DLG2: variants seen among roughly 807,000 people sequenced by gnomAD.
DLG2 encodes the protein disks large homolog 2.
Under a neutral mutation model 132.5 loss-of-function variants are expected in DLG2, and 45 were observed. The ratio of observed to expected loss-of-function variants is 0.34; its 90% confidence interval spans 0.27 to 0.44. The LOEUF (loss-of-function observed/expected upper bound fraction) is 0.44, where lower values mean the gene tolerates loss of function less well. DLG2 is among the 20% of genes least tolerant of loss of function. DLG2 has a pLI of 1.00. For synonymous variants in DLG2, 424 were observed against 419.6 expected (o/e 1.01, Z -0.13); for missense variants, 1,045 against 1,196.9 (o/e 0.87, Z 1.87).
chr11:85,579,824 T>C (rs888702445), intron 3 of DLG2, among the ~76,000 whole-genome samples: 2 of 152,118 alleles, frequency 1.3e-5, no homozygotes, highest in African/African-American at 4.8e-5. Context: ...AGTGCTGGGA[T>C]TACAGGCGTG....
At chr11:84,698,710 T>C (rs117360072) in intron 6 of DLG2, among the ~76,000 whole-genome samples, 2,641 of 151,680 alleles carry the variant, frequency 0.017, 33 homozygotes, top group Middle Eastern at 0.037. Context: ...TAATGACATA[T>C]ATAAGAATCC....
chr11:85,285,212 T>C lies in DLG2; in HGVS notation c.186+8A>G. ...TATTCAGTTCTTTTGGAAGTTTCAG[T>C]AGTATACCTCTGAAGATTTTTGAAG... On this transcript the variant is annotated splice_region_variant and intron_variant, in intron 4 of 27. Transcript: ENST00000376104. 2 of 1,609,226 alleles carry C rather than the reference T, an allele frequency of 1.2e-6. No homozygotes were observed. Among genetic ancestry groups the C allele is most frequent in the Non-Finnish European group, 1.7e-6 (2 of 1,177,108 alleles).
intron 14 of DLG2, among the ~76,000 whole-genome samples, chr11:83,960,541 GA>G (rs1337308756): frequency 2.6e-5 from 4 of 151,728 alleles, no homozygotes; most frequent in Admixed American, 6.6e-5. Flanking sequence ...TCAAGATTTT[GA>G]AAAAAATTAA....
At chr11:85,193,724 T>G (rs905397597) in intron 4 of DLG2, among the ~76,000 whole-genome samples, 10 of 152,224 alleles carry the variant, frequency 6.6e-5, no homozygotes, top group African/African-American at 1.9e-4. Context: ...TAAAATTGGA[T>G]TGTATTTTTA....
chr11:84,237,924 C>G (rs1017321773), intron 8 of DLG2, among the ~76,000 whole-genome samples: 24 of 151,424 alleles, frequency 1.6e-4, no homozygotes, highest in African/African-American at 5.1e-4. Context: ...CACCTGTAAT[C>G]CCAGCTACTC....
At chr11:84,074,028 A>C (rs1480996330) in intron 10 of DLG2, among the ~76,000 whole-genome samples, 1 of 152,260 alleles carries the variant, frequency 6.6e-6, no homozygotes, top group Non-Finnish European at 1.5e-5. Flanking sequence ...ATCAAATCTC[A>C]TGTTGTTATA....
chr11:85,019,024 G>T (rs540207204), intron 6 of DLG2, among the ~76,000 whole-genome samples: 1 of 152,072 alleles, frequency 6.6e-6, no homozygotes, highest in South Asian at 2.1e-4. Flanking sequence ...CTAATGTAGG[G>T]GTGTAACACA....
chr11:84,747,083 T>A (rs1165921325), intron 6 of DLG2, among the ~76,000 whole-genome samples: 4 of 152,100 alleles, frequency 2.6e-5, no homozygotes, highest in African/African-American at 4.8e-5. Context: ...GGAGTTTGAG[T>A]AGGCAATGTT....
At chr11:84,662,890 A>G (rs889126559) in intron 6 of DLG2, among the ~76,000 whole-genome samples, 2 of 151,688 alleles carry the variant, frequency 1.3e-5, no homozygotes, top group African/African-American at 2.4e-5. Flanking sequence ...AGGTGGAGCT[A>G]TAAGTCTAGT....
chr11:84,059,191 T>C, intron 11 of DLG2, 124 bp downstream of exon 11: 1 of 915,558 alleles, frequency 1.1e-6, no homozygotes, highest in South Asian at 1.7e-5. Flanking sequence ...TACTGTAGGA[T>C]TTTAAATCTC....
intron 19 of DLG2, among the ~76,000 whole-genome samples, chr11:83,595,584 C>T (rs1435520964): frequency 6.6e-6 from 1 of 152,186 alleles, no homozygotes; most frequent in Non-Finnish European, 1.5e-5. Context: ...TAGGACTTCT[C>T]CACAACCAAA....
intron 3 of DLG2, among the ~76,000 whole-genome samples, chr11:85,439,197 G>T (rs780986888): frequency 9.2e-5 from 14 of 152,040 alleles, no homozygotes; most frequent in Non-Finnish European, 1.3e-4. Context: ...CGTTTTATAA[G>T]AAAGTATTCA....
At chr11:85,374,717 C>T (rs1016464912) in intron 3 of DLG2, among the ~76,000 whole-genome samples, 11 of 152,180 alleles carry the variant, frequency 7.2e-5, no homozygotes, top group African/African-American at 2.2e-4. Flanking sequence ...CTAGAAACCA[C>T]TCAAGTACCT....
intron 7 of DLG2, among the ~76,000 whole-genome samples, chr11:84,455,383 A>G (rs554427394): frequency 6.6e-5 from 10 of 151,518 alleles, no homozygotes; most frequent in African/African-American, 2.4e-4. Flanking sequence ...TGGTGTAGAA[A>G]AAGACTTAAG....
chr11:85,184,983 T>C (rs1293811167), intron 4 of DLG2, among the ~76,000 whole-genome samples: 1 of 151,948 alleles, frequency 6.6e-6, no homozygotes, highest in Non-Finnish European at 1.5e-5. Context: ...AAGAGAATAT[T>C]CTAAGCAACT....
intron 6 of DLG2, chr11:84,923,366 G>A (rs1402367876): frequency 1.5e-5 from 17 of 1,124,886 alleles, no homozygotes; most frequent in Non-Finnish European, 1.7e-5. Context: ...AGAATTCAGC[G>A]TCTGAAAGTT....
intron 6 of DLG2, among the ~76,000 whole-genome samples, chr11:84,707,416 A>C (rs1479680392): frequency 6.6e-6 from 1 of 151,864 alleles, no homozygotes; most frequent in East Asian, 1.9e-4. Flanking sequence ...AAAAGTGTAA[A>C]TAACTGACAT....
At chr11:85,451,850 A>G (rs2092258596) in intron 3 of DLG2, among the ~76,000 whole-genome samples, 2 of 152,140 alleles carry the variant, frequency 1.3e-5, no homozygotes, top group Non-Finnish European at 2.9e-5. Flanking sequence ...GCCCTGCCCA[A>G]TTTTTAATTT....
chr11:84,548,691 T>G (rs1476732736), intron 6 of DLG2, among the ~76,000 whole-genome samples: 2 of 152,134 alleles, frequency 1.3e-5, no homozygotes, highest in African/African-American at 4.8e-5. Context: ...TATTGGACAT[T>G]TGGGTTGGTT....
Sources: allele counts gnomAD v4.1 joint callset (sites outside exome capture counted in the v4.1 genomes callset), GRCh38; gene constraint gnomAD v4.1.1; transcripts MANE v1.5; gene names NCBI Gene and HGNC (gene_info 2026-07-23, HGNC 2026-07-21).